C1S: variants seen among roughly 807,000 people sequenced by gnomAD.
C1S encodes the protein complement C1s subcomponent.
C1S carries 31 observed loss-of-function variants against 54.0 expected under a neutral mutation model. The observed-to-expected ratio is 0.57, with a 90% CI of 0.43 to 0.78. The LOEUF (loss-of-function observed/expected upper bound fraction) is 0.78, where lower values mean the gene tolerates loss of function less well. Among genes scored for constraint, C1S ranks in the 30% least tolerant of loss-of-function variants. The probability of loss-of-function intolerance (pLI) is 0.00; values close to 1 mark genes in which losing one functional copy is unlikely to be tolerated. For synonymous variants in C1S, 292 were observed against 303.6 expected, an observed-to-expected ratio of 0.96 and a Z score of 0.40; for missense variants, 727 against 851.8, an observed-to-expected ratio of 0.85 and a Z score of 1.82.
chr12:7,061,964 ATCT>A lies in C1S; in HGVS notation c.5+51_5+53del, dbSNP rs1565618916. On this transcript the variant is annotated intron_variant, in intron 2 of 11. Transcript: ENST00000360817. ...AGATGACACAGACTCCATTCCCTTC[ATCT>A]TCTCAAGAAAAGCGCTCAAGGGCCA... 3 of 1,604,264 alleles carry A rather than the reference ATCT, an allele frequency of 1.9e-6. No individual in the cohort carries two copies. The Admixed American group carries it at 5.0e-5, about 27-fold the overall frequency.
At chr12:7,063,768 T>A (rs1947131478) in intron 4 of C1S, 1 of 352,466 alleles carries the variant, frequency 2.8e-6, no homozygotes, top group African/African-American at 2.1e-5. Flanking sequence ...CTCACACCTG[T>A]AATCCCAGCA....
Position 7,065,925 on chromosome 12 carries a change from C to T in C1S, c.826C>T (p.Leu276=). Residue 276 remains leucine, a synonymous_variant, in exon 7 of 12, where the codon CTA becomes TTA. Coordinates refer to ENST00000360817, the MANE Select transcript of C1S (RefSeq NM_001734.5). ...NALDIIFQTD[L]TGQKKGWKLR... The stretch of plus-strand genomic sequence containing the variant: ...TCTTGATATCATCTTCCAAACTGAT[C>T]TAACAGGGCAAAAAAAGGGCTGGAA... The T allele has an allele frequency of 6.2e-7, 1 of 1,613,836 alleles. No individual in the cohort carries two copies. The highest frequency in any genetic ancestry group is 1.6e-4 in the Middle Eastern group (1 of 6,062).
rs140948809 is a variant in C1S, at chr12:7,063,683, G to A, written c.392-584G>A. Among the ~76,000 whole-genome samples, 263 of 152,236 alleles carry A rather than the reference G, an allele frequency of 1.7e-3. 2 individuals carry two copies. In the South Asian group the frequency reaches 0.032, roughly 18 times the overall value. ...GTTTACCTTGCAGAGTGTCATTCCT[G>A]GAGCTGAAATGCTCTGTACATGAGA... On this transcript the variant is annotated intron_variant, in intron 4 of 11. Coordinates refer to ENST00000360817, the MANE Select transcript of C1S (RefSeq NM_001734.5).
At chr12:7,066,082 A>C in intron 7 of C1S, 112 bp downstream of exon 7, 6 of 1,000,446 alleles carry the variant, frequency 6.0e-6, no homozygotes, top group Non-Finnish European at 7.9e-6. Context: ...GATCTCAGCT[A>C]CCGAGGGAGG....
Position 7,065,900 on chromosome 12 carries a change from T to G in C1S, c.801T>G (p.Ala267=). Reference sequence around the variant, plus strand: ...TAAATATTGAAACCAAGAGTAATGCTCTTGATATCATCTTCCAAACTGATC... The same window carrying G: ...TAAATATTGAAACCAAGAGTAATGCGCTTGATATCATCTTCCAAACTGATC... ...GPLNIETKSN[A]LDIIFQTDLT... is the part of the protein sequence containing the mutation. Residue 267 remains alanine (A), a synonymous_variant, in exon 7 of 12, where the codon GCT becomes GCG. Coordinates refer to ENST00000360817, the MANE Select transcript of C1S (RefSeq NM_001734.5). The G allele has an allele frequency of 6.2e-7, 1 of 1,613,338 alleles. No individual in the cohort carries two copies. The highest frequency in any genetic ancestry group is 2.2e-5 in the East Asian group (1 of 44,884).
rs1033833755 is a variant in C1S, at chr12:7,062,139, G to A, written c.5+222G>A. On this transcript the variant is annotated intron_variant, in intron 2 of 11. Coordinates refer to ENST00000360817, the MANE Select transcript of C1S (RefSeq NM_001734.5). ...AAAAAAAATTAGCCCAGCGTCATGC[G>A]TGTCACCTGTGGTCCCTGCTACTCA... 67 of 584,732 alleles carry A rather than the reference G, an allele frequency of 1.1e-4. 1 individual carries two copies. The highest frequency in any genetic ancestry group is 8.0e-4 in the Admixed American group (27 of 33,806). The allele number at this position is 584,732 out of a possible 1,614,324, so 36.2% of individuals were successfully genotyped here.
rs782387777 is a variant in C1S at position 7,069,328 on chromosome 12, A to AC, written c.1271-523dup. On this transcript the variant is annotated intron_variant, in intron 11 of 11. Coordinates refer to ENST00000360817, the MANE Select transcript of C1S (RefSeq NM_001734.5). ...GTGAGAGGTCAGGGCCAAAGAAGGG[A>AC]CCCCTCTCTACTTCCTAGGCTGACC... is the stretch of plus-strand genomic sequence containing the variant. Among the ~76,000 whole-genome samples the AC allele has an allele frequency of 8.7e-4, 132 of 152,104 alleles. No homozygotes were observed. The Middle Eastern group carries it at 0.024, about 27-fold the overall frequency.
rs2135729501 is a variant in C1S, at chr12:7,069,957, C to A, written c.1373C>A (p.Pro458Gln). Residue 458 changes from proline to glutamine, a missense_variant, in exon 12 of 12, where the codon CCA becomes CAA. Pro to Gln is a moderately conservative substitution (Grantham distance 76). This residue lies in a region of C1S where 360 missense variants were observed against 453.6 expected (regional missense o/e 0.79). Transcript: ENST00000360817. Reference sequence around the variant, plus strand: ...CCCTGGCAAGTCTTCTTTGACAACCCATGGGCTGGTGGAGCGCTCATTAAT... The same window carrying A: ...CCCTGGCAAGTCTTCTTTGACAACCAATGGGCTGGTGGAGCGCTCATTAAT... ...NFPWQVFFDN[P>Q]WAGGALINEY... The A allele has an allele frequency of 6.2e-7, 1 of 1,614,150 alleles. No homozygotes were observed. Among genetic ancestry groups the A allele is most frequent in the Non-Finnish European group, 8.5e-7 (1 of 1,180,020 alleles).
rs782098238 is a variant in C1S, at chr12:7,061,886, C to T, written c.-27C>T. The stretch of plus-strand genomic sequence containing the variant: ...AAAGCCAGGACCAAGAGACAGGCAG[C>T]TCACCAGGGTGGACAAATCGCCAGA... On this transcript the variant is annotated 5_prime_UTR_variant, in exon 2 of 12. Transcript: ENST00000360817. 1.8e-5 allele frequency: 29 copies of T among 1,613,738 alleles called. No individual in the cohort carries two copies. Among genetic ancestry groups the T allele is most frequent in the Non-Finnish European group, 2.4e-5 (28 of 1,179,840 alleles).
intron 5 of C1S, among the ~76,000 whole-genome samples, chr12:7,064,662 C>A (rs2135723572): frequency 6.6e-6 from 1 of 152,144 alleles, no homozygotes; most frequent in South Asian, 2.1e-4. Flanking sequence ...ACACTATACC[C>A]AGTGTGTAGT....
chr12:7,064,230 T>G (rs782677938), intron 4 of C1S, 37 bp from the exon 5 acceptor site: 46 of 1,612,828 alleles, frequency 2.9e-5, no homozygotes, highest in Non-Finnish European at 3.8e-5. Context: ...CTTCTTGGTG[T>G]TTGTTCTTGA....
chr12:7,062,107 TAA>T (rs376183132), intron 2 of C1S, 190 bp downstream of exon 2: 1,042 of 522,962 alleles, frequency 2.0e-3, no homozygotes, highest in East Asian at 3.3e-3. Flanking sequence ...CTGTCTCTAT[TAA>T]AAAAAAAAAA....
In C1S at chr12:7,065,132, A is replaced by G. The variant is rs781909998; in HGVS notation, c.550A>G (p.Ile184Val). ...CAGTGGGGATGTATTCACTGCACTG[A>G]TTGGGGAGATTGCAAGTCCCAATTA... ...NCSGDVFTAL[I>V]GEIASPNYPK... is the part of the protein sequence containing the mutation. Residue 184 changes from isoleucine (I) to valine (V), a missense_variant, in exon 6 of 12, where the codon ATT becomes GTT. Physicochemically the swap from Ile to Val is conservative, Grantham distance 29. Coordinates refer to ENST00000360817, the MANE Select transcript of C1S (RefSeq NM_001734.5). 2 of 1,613,988 alleles carry G rather than the reference A, an allele frequency of 1.2e-6. No individual in the cohort carries two copies. The highest frequency in any genetic ancestry group is 4.5e-5 in the East Asian group (2 of 44,886).
rs1459321643 is a variant in C1S, at chr12:7,068,391, G to A, written c.1196-65G>A. 5 of 1,192,632 alleles carry A rather than the reference G, an allele frequency of 4.2e-6. No homozygotes were observed. In the East Asian group the frequency reaches 9.3e-5, roughly 22 times the overall value. 73.9% of individuals were successfully genotyped at this position (1,192,632 alleles called of 1,614,324 possible). A position where few individuals can be genotyped will look rare whatever the true frequency, so the allele number is the denominator to read the frequency against. ...GGAACGGGGCAGGGTGTTGGGGTCGGAGGGGGGAATGGAAGAAGGAAGATG... is the reference window on the plus strand; with the variant it reads ...GGAACGGGGCAGGGTGTTGGGGTCGAAGGGGGGAATGGAAGAAGGAAGATG... On this transcript the variant is annotated intron_variant, in intron 10 of 11. Transcript: ENST00000360817.
In C1S at chr12:7,070,976, A is replaced by C. The variant is rs1937842316; in HGVS notation, c.*325A>C. On this transcript the variant is annotated 3_prime_UTR_variant, in exon 12 of 12. Coordinates refer to ENST00000360817, the MANE Select transcript of C1S (RefSeq NM_001734.5). This position sits in a 1 kb window ranked among gnomAD's most constrained non-coding sequence, Gnocchi z 4.9. ...TCTTTACCTGTTCAAAATTCCATTTACTTGATCATTCTCAGTATCCACTGT... is the reference window on the plus strand; with the variant it reads ...TCTTTACCTGTTCAAAATTCCATTTCCTTGATCATTCTCAGTATCCACTGT... The C allele has an allele frequency of 3.0e-6, 1 of 338,844 alleles. No individual in the cohort carries two copies. Among genetic ancestry groups the C allele is most frequent in the Non-Finnish European group, 5.6e-6 (1 of 179,422 alleles). 21.0% of individuals were successfully genotyped at this position (338,844 alleles called of 1,614,324 possible). A position where few individuals can be genotyped will look rare whatever the true frequency, so the allele number is the denominator to read the frequency against.
At position 7,070,997 on chromosome 12, in the gene C1S, A is replaced by G. The variant is rs1058476; in HGVS notation, c.*346A>G. 1 of 317,360 alleles carries G rather than the reference A, an allele frequency of 3.2e-6. No homozygotes were observed. Among genetic ancestry groups the G allele is most frequent in the Non-Finnish European group, 6.0e-6 (1 of 166,082 alleles). The allele number at this position is 317,360 out of a possible 1,614,324, so 19.7% of individuals were successfully genotyped here. A position where few individuals can be genotyped will look rare whatever the true frequency, so the allele number is the denominator to read the frequency against. On this transcript the variant is annotated 3_prime_UTR_variant, in exon 12 of 12. Coordinates refer to ENST00000360817, the MANE Select transcript of C1S (RefSeq NM_001734.5). This position sits in a 1 kb window ranked among gnomAD's most constrained non-coding sequence, Gnocchi z 4.9. ...ATTTACTTGATCATTCTCAGTATCC[A>G]CTGTCTATGTACAATAAAGGATGTT...
At chr12:7,066,687 G>A (rs1010041212) in intron 8 of C1S, 54 bp downstream of exon 8, 29 of 1,058,026 alleles carry the variant, frequency 2.7e-5, no homozygotes, top group Non-Finnish European at 3.4e-5. Context: ...CAGGATGAGC[G>A]GACTGAAATT....
intron 2 of C1S, 171 bp from the exon 3 acceptor site, chr12:7,062,304 C>A: frequency 1.6e-6 from 1 of 636,420 alleles, no homozygotes; most frequent in Non-Finnish European, 2.8e-6. Flanking sequence ...TGTCTGAAGC[C>A]TGGGTTTTGG....
intron 9 of C1S, 70 bp from the exon 10 acceptor site, chr12:7,067,573 C>A: frequency 1.9e-6 from 3 of 1,577,658 alleles, no homozygotes; most frequent in Non-Finnish European, 2.6e-6. Context: ...TGAGGATGAA[C>A]CTGGCCCCAT....
Sources: allele counts gnomAD v4.1 joint callset (sites outside exome capture counted in the v4.1 genomes callset), GRCh38; gene constraint gnomAD v4.1.1; regional missense constraint gnomAD v4.1.1; non-coding constraint Gnocchi (gnomAD v3.1); transcripts MANE v1.5; gene names NCBI Gene and HGNC (gene_info 2026-07-23, HGNC 2026-07-21).